The following SPTY2D1 variants were observed in gnomAD, a reference collection of about 807,000 sequenced individuals.
The protein encoded by SPTY2D1 is protein SPT2 homolog.
Under a neutral mutation model 64.0 loss-of-function variants are expected in SPTY2D1, and 21 were observed. That is an observed-to-expected ratio of 0.33 (90% CI 0.23 to 0.47). SPTY2D1 has a LOEUF of 0.47. Ranked by LOEUF, SPTY2D1 falls within the 20% of genes least tolerant of loss-of-function variation. The pLI, the probability that SPTY2D1 is intolerant of heterozygous loss-of-function variation, is 1.00. For synonymous variants in SPTY2D1, 287 were observed against 286.8 expected (o/e 1.00, Z -0.01); for missense variants, 724 against 837.2 (o/e 0.86, Z 1.67).
intron 1 of SPTY2D1, among the ~76,000 whole-genome samples, chr11:18,632,017 G>A (rs1192059839): frequency 2.0e-5 from 3 of 151,990 alleles, no homozygotes; most frequent in Non-Finnish European, 4.4e-5. Flanking sequence ...GTGGTGACAG[G>A]TGCCTGTAGT....
intron 1 of SPTY2D1, among the ~76,000 whole-genome samples, chr11:18,628,741 G>A (rs1254760228): frequency 6.6e-6 from 1 of 152,178 alleles, no homozygotes; most frequent in African/African-American, 2.4e-5. Context: ...ATCCAAGGGT[G>A]GGGAGCAATC....
At position 18,612,702 on chromosome 11, in the gene SPTY2D1, G is replaced by A. The variant is rs79249135; in HGVS notation, c.1712-214C>T. 0.015 allele frequency among the ~76,000 whole-genome samples: 2,202 copies of A among 151,536 alleles called. 55 individuals are homozygous for A. Among genetic ancestry groups the A allele is most frequent in the African/African-American group, 0.05 (2,079 of 41,320 alleles). ...TCCCAGGGCTTACCAGAAATATCTT[G>A]TTACATTTTCTAGCTTAGTAGTGCC... On this transcript the variant is annotated intron_variant, in intron 3 of 5. Coordinates refer to ENST00000336349, the MANE Select transcript of SPTY2D1 (RefSeq NM_194285.3). The surrounding 1 kb of genome is among the most constrained non-coding windows in gnomAD (Gnocchi z 4.6).
chr11:18,615,113 A>G lies in SPTY2D1; in HGVS notation c.1161T>C (p.Ala387=). The change falls in exon 3 of 6, where the codon GCT becomes GCC. Residue 387 remains alanine (A), a synonymous_variant. Transcript: ENST00000336349. ...CAGGGCCAGAACTAACTGTGGGTCG[A>G]GCAACCCCTGTGCTGGGCTGCCCAG... is the stretch of plus-strand genomic sequence containing the variant. The part of the protein sequence containing the change: ...SAPGQPSTGV[A]RPTVSSGPVP... 6.2e-7 allele frequency: 1 copy of G among 1,614,200 alleles called. No individual in the cohort carries two copies. The highest frequency in any genetic ancestry group is 8.5e-7 in the Non-Finnish European group (1 of 1,180,046).
chr11:18,632,641 G>A (rs975166330), intron 1 of SPTY2D1, among the ~76,000 whole-genome samples: 6 of 152,094 alleles, frequency 3.9e-5, no homozygotes, highest in Non-Finnish European at 5.9e-5. Flanking sequence ...GAGCCATTGC[G>A]CCCATCTATT....
intron 1 of SPTY2D1, among the ~76,000 whole-genome samples, chr11:18,625,224 T>C (rs1471292033): frequency 6.6e-6 from 1 of 152,180 alleles, no homozygotes; most frequent in Non-Finnish European, 1.5e-5. Context: ...AGAAAGAAAG[T>C]AGGCCTGGAA....
At chr11:18,627,677 G>A (rs1196645598) in intron 1 of SPTY2D1, among the ~76,000 whole-genome samples, 1 of 152,066 alleles carries the variant, frequency 6.6e-6, no homozygotes, top group Non-Finnish European at 1.5e-5. Context: ...AGGAGATCGA[G>A]ACCATCCTGG....
At chr11:18,632,434 C>T (rs913565662) in intron 1 of SPTY2D1, among the ~76,000 whole-genome samples, 1 of 151,836 alleles carries the variant, frequency 6.6e-6, no homozygotes, top group African/African-American at 2.4e-5. Context: ...TCACTGCAAT[C>T]TCCGCCTCCT....
intron 1 of SPTY2D1, among the ~76,000 whole-genome samples, chr11:18,628,228 A>G (rs1854530067): frequency 6.6e-6 from 1 of 152,226 alleles, no homozygotes; most frequent in South Asian, 2.1e-4. Context: ...CCTTGCCTAT[A>G]TAAAAGATTC....
chr11:18,611,103 T>C (rs1394418851), intron 5 of SPTY2D1, among the ~76,000 whole-genome samples: 1 of 152,106 alleles, frequency 6.6e-6, no homozygotes, highest in Admixed American at 6.6e-5. Context: ...GGGACCAGCC[T>C]GGATAACAAA....
intron 1 of SPTY2D1, among the ~76,000 whole-genome samples, chr11:18,617,493 G>C (rs985209176): frequency 2.1e-4 from 32 of 151,568 alleles, no homozygotes; most frequent in African/African-American, 5.3e-4. Context: ...GGGCGTAGTG[G>C]CGGGTGCCTG....
At chr11:18,610,006 T>G in intron 5 of SPTY2D1, 52 bp from the exon 6 acceptor site, 1 of 1,509,566 alleles carries the variant, frequency 6.6e-7, no homozygotes, top group Non-Finnish European at 9.1e-7. Flanking sequence ...GATGACCACT[T>G]TCCTTAAAAA....
At chr11:18,617,073 G>C in intron 1 of SPTY2D1, 84 bp from the exon 2 acceptor site, 2 of 1,114,406 alleles carry the variant, frequency 1.8e-6, no homozygotes, top group Non-Finnish European at 2.7e-6. Flanking sequence ...CAGGTAATAA[G>C]AGGTATAAAT....
intron 1 of SPTY2D1, among the ~76,000 whole-genome samples, chr11:18,621,885 G>A (rs1345961607): frequency 3.3e-5 from 5 of 151,698 alleles, no homozygotes; most frequent in Admixed American, 6.6e-5. Context: ...ACAGGAGTTC[G>A]AGACCAGCGT....
At chr11:18,633,108 A>G (rs186619678) in intron 1 of SPTY2D1, among the ~76,000 whole-genome samples, 9 of 151,594 alleles carry the variant, frequency 5.9e-5, no homozygotes, top group Non-Finnish European at 1.0e-4. Flanking sequence ...GTGTGTGTGT[A>G]TATATACATA....
At chr11:18,618,735 G>T (rs1250960783) in intron 1 of SPTY2D1, among the ~76,000 whole-genome samples, 2 of 152,206 alleles carry the variant, frequency 1.3e-5, no homozygotes, top group Non-Finnish European at 2.9e-5. Flanking sequence ...GAAATTCTTG[G>T]AGGAAAACCA....
At chr11:18,610,344 A>G in intron 5 of SPTY2D1, 1 of 168,656 alleles carries the variant, frequency 5.9e-6, no homozygotes, top group Non-Finnish European at 1.3e-5. Flanking sequence ...TTCTGGCTTG[A>G]GACTGAAGTG....
rs775242504 is a variant in SPTY2D1 at position 18,609,941 on chromosome 11, T to C, written c.1978A>G (p.Met660Val). The change falls in exon 6 of 6, where the codon ATG becomes GTG. Residue 660 changes from methionine (M) to valine (V), a missense_variant. By Grantham distance (21) the Met-to-Val change is conservative. Coordinates refer to ENST00000336349, the MANE Select transcript of SPTY2D1 (RefSeq NM_194285.3). ...CTCATTTCCTCTAAGTCCTCTTGCA[T>C]ACCCAGTCTTAAGCTGCCAAAGAAT... The part of the protein sequence containing the change: ...KEEAKSLRLG[M>V]QEDLEEMRRE... The C allele has an allele frequency of 1.2e-6, 2 of 1,614,134 alleles. No individual in the cohort carries two copies. The highest frequency in any genetic ancestry group is 1.7e-5 in the Admixed American group (1 of 59,988).
At chr11:18,617,127 C>T in intron 1 of SPTY2D1, 138 bp from the exon 2 acceptor site, 1 of 644,142 alleles carries the variant, frequency 1.6e-6, no homozygotes, top group Non-Finnish European at 2.6e-6. Context: ...GATCATATAA[C>T]CCATAATAAA....
At chr11:18,624,210 G>GAA (rs34579834) in intron 1 of SPTY2D1, among the ~76,000 whole-genome samples, 11,733 of 141,898 alleles carry the variant, frequency 0.083, 1,175 homozygotes, top group African/African-American at 0.25. Flanking sequence ...AAAAAGAGAG[G>GAA]AAAAAAAAAA....
Sources: allele counts gnomAD v4.1 joint callset (sites outside exome capture counted in the v4.1 genomes callset), GRCh38; gene constraint gnomAD v4.1.1; non-coding constraint Gnocchi (gnomAD v3.1); transcripts MANE v1.5; gene names NCBI Gene and HGNC (gene_info 2026-07-23, HGNC 2026-07-21).